The following TPP2 variants were observed in gnomAD, a reference collection of about 807,000 sequenced individuals.
TPP2 encodes tripeptidyl-peptidase 2.
A neutral mutation model predicts 155.9 loss-of-function variants in TPP2; 34 were observed. The observed-to-expected ratio is 0.22, with a 90% confidence interval of 0.17 to 0.29. The LOEUF is 0.29. Among genes scored for constraint, TPP2 ranks in the 10% least tolerant of loss-of-function variants. The probability of loss-of-function intolerance (pLI) is 1.00; values close to 1 mark genes in which losing one functional copy is unlikely to be tolerated. For missense variants in TPP2, 1,028 were observed against 1,522.3 expected, an observed-to-expected ratio of 0.68 and a Z score of 5.40; for synonymous variants, 510 against 529.4, an observed-to-expected ratio of 0.96 and a Z score of 0.50.
rs34845674 is a variant in TPP2 at position 102,609,392 on chromosome 13, C to CTTTTT, written c.294+4489_294+4493dup. Among the ~76,000 whole-genome samples the CTTTTT allele has an allele frequency of 4.0e-3, 322 of 79,806 alleles. 7 individuals are homozygous for CTTTTT. Among genetic ancestry groups the CTTTTT allele is most frequent in the Non-Finnish European group, 5.2e-3 (232 of 44,976 alleles). 52.4% of individuals were successfully genotyped at this position (79,806 alleles called of 152,430 possible). ...AGCCAGCAAAGGGAGAAGTGCCATG[C>CTTTTT]TTTTTTTTTTTTTTTTTTTTTTGAG... On this transcript the variant is annotated intron_variant, in intron 2 of 29. Transcript: ENST00000376052.
intron 25 of TPP2, among the ~76,000 whole-genome samples, chr13:102,659,072 G>GCTAT (rs1884037812): frequency 1.3e-5 from 2 of 152,150 alleles, no homozygotes; most frequent in Non-Finnish European, 2.9e-5. Flanking sequence ...TGTGGCCTAA[G>GCTAT]GAGTTCATAA....
chr13:102,630,302 T>C lies in TPP2; in HGVS notation c.1244+107T>C, dbSNP rs551664988. 1.2e-4 allele frequency: 89 copies of C among 750,626 alleles called. No homozygotes were observed. The African/African-American group carries it at 1.5e-3, about 13-fold the overall frequency. The allele number at this position is 750,626 out of a possible 1,614,324, so 46.5% of individuals were successfully genotyped here. On this transcript the variant is annotated intron_variant, in intron 10 of 29. Coordinates refer to ENST00000376052, the MANE Select transcript of TPP2 (RefSeq NM_001330588.2). ...TTTGCTAGTTTTTTTCTGTTGGTTT[T>C]TACTTTTTTTTCAGTATTTTCATTT...
chr13:102,623,855 G>T lies in TPP2; in HGVS notation c.784+815G>T, dbSNP rs1030518548. Among the ~76,000 whole-genome samples, 3 of 152,166 alleles carry T rather than the reference G, an allele frequency of 2.0e-5. No homozygotes were observed. The South Asian group carries it at 6.2e-4, about 32-fold the overall frequency. On this transcript the variant is annotated intron_variant, in intron 6 of 29. Coordinates refer to ENST00000376052, the MANE Select transcript of TPP2 (RefSeq NM_001330588.2). The stretch of plus-strand genomic sequence containing the variant: ...AGTACCTGATACAAAATGACATAGT[G>T]TTTGTGTATAACCTACACACATGCT...
chr13:102,638,761 T>G (rs606253), intron 15 of TPP2, among the ~76,000 whole-genome samples: 75,390 of 152,044 alleles, frequency 0.5, 19,083 homozygotes, highest in African/African-American at 0.6. Context: ...TAAGAAACTC[T>G]TAACTTCCCA....
chr13:102,663,773 A>G (rs1017279503), intron 26 of TPP2, 29 bp downstream of exon 26: 7 of 1,507,584 alleles, frequency 4.6e-6, no homozygotes, highest in Non-Finnish European at 6.3e-6. Flanking sequence ...GATATATCTT[A>G]TTTTGTTTGT....
At chr13:102,624,960 A>G (rs1254140795) in intron 6 of TPP2, among the ~76,000 whole-genome samples, 3 of 138,658 alleles carry the variant, frequency 2.2e-5, no homozygotes, top group African/African-American at 8.3e-5. Flanking sequence ...CCCAGGTTCA[A>G]GTGATTCTCC....
chr13:102,603,528 T>A (rs1033537242), intron 1 of TPP2, among the ~76,000 whole-genome samples: 1 of 152,170 alleles, frequency 6.6e-6, no homozygotes, highest in East Asian at 1.9e-4. Flanking sequence ...AGAAGGAACC[T>A]GTTTAAAAAG....
chr13:102,616,606 ATTTTCT>A, intron 4 of TPP2, 106 bp downstream of exon 4: 1 of 925,168 alleles, frequency 1.1e-6, no homozygotes, highest in Non-Finnish European at 1.5e-6. Flanking sequence ...TTTTTCACAA[ATTTTCT>A]TTTAAGTTGG....
At position 102,617,128 on chromosome 13, in the gene TPP2, C is replaced by A. The variant is rs567549575; in HGVS notation, c.495+628C>A. ...ACAGGGTTTCACCGTGTTGGCCAGG[C>A]TGGTCTTGAACTCCCAACCTTGTGA... On this transcript the variant is annotated intron_variant, in intron 4 of 29. Transcript: ENST00000376052. Among the ~76,000 whole-genome samples, 4 of 151,778 alleles carry A rather than the reference C, an allele frequency of 2.6e-5. No individual in the cohort carries two copies. In the South Asian group the frequency reaches 8.3e-4, roughly 32 times the overall value.
chr13:102,630,944 G>A (rs1881975830), intron 10 of TPP2, among the ~76,000 whole-genome samples: 1 of 152,326 alleles, frequency 6.6e-6, no homozygotes, highest in South Asian at 2.1e-4. Context: ...TGTGATCTGA[G>A]TTTCAAATGC....
At chr13:102,626,560 C>A (rs1881640625) in intron 6 of TPP2, among the ~76,000 whole-genome samples, 1 of 152,180 alleles carries the variant, frequency 6.6e-6, no homozygotes, top group Admixed American at 6.5e-5. Context: ...GTTCAGCTTT[C>A]ACTCCAGCCA....
At chr13:102,613,960 T>C (rs747816758) in intron 2 of TPP2, 141 bp from the exon 3 acceptor site, 4 of 631,470 alleles carry the variant, frequency 6.3e-6, no homozygotes, top group Middle Eastern at 3.2e-4. Context: ...CTTAGAGTAT[T>C]AAACACGTTG....
intron 19 of TPP2, 52 bp from the exon 20 acceptor site, chr13:102,646,242 C>A: frequency 1.4e-6 from 2 of 1,444,962 alleles, no homozygotes; most frequent in South Asian, 2.5e-5. Context: ...TTTTATTTGT[C>A]TCATTCAATG....
chr13:102,619,852 G>C (rs1881024999), intron 5 of TPP2, among the ~76,000 whole-genome samples: 1 of 152,070 alleles, frequency 6.6e-6, no homozygotes, highest in African/African-American at 2.4e-5. Flanking sequence ...TTTTCCAGAG[G>C]CTTTATACAG....
rs572569038 is a variant in TPP2, at chr13:102,674,527, G to T, written c.3579+37G>T. 257 of 1,607,372 alleles carry T rather than the reference G, an allele frequency of 1.6e-4. 2 individuals carry two copies. In the South Asian group the frequency reaches 2.6e-3, roughly 16 times the overall value. ...GCTTCTTGTTTCAGCAAAGTTCTTG[G>T]GGTTACCTCACAGACCTCTCTTGTG... On this transcript the variant is annotated intron_variant, in intron 28 of 29. Coordinates refer to ENST00000376052, the MANE Select transcript of TPP2 (RefSeq NM_001330588.2).
chr13:102,623,733 T>C (rs1046254542), intron 6 of TPP2, among the ~76,000 whole-genome samples: 3 of 152,176 alleles, frequency 2.0e-5, no homozygotes, highest in Non-Finnish European at 4.4e-5. Flanking sequence ...AACAAAAAAA[T>C]ATATTTTTTA....
intron 27 of TPP2, among the ~76,000 whole-genome samples, chr13:102,670,524 G>A (rs1595221614): frequency 6.6e-6 from 1 of 152,294 alleles, no homozygotes; most frequent in African/African-American, 2.4e-5. Context: ...AATCCTGTTG[G>A]GGAATGCTTA....
chr13:102,625,220 A>C (rs1168457038), intron 6 of TPP2, among the ~76,000 whole-genome samples: 2 of 126,176 alleles, frequency 1.6e-5, no homozygotes, highest in Admixed American at 8.8e-5. Context: ...GCTGGAGTGC[A>C]GTGGCGCGAT....
intron 24 of TPP2, among the ~76,000 whole-genome samples, chr13:102,654,434 G>A (rs1366865991): frequency 1.3e-5 from 2 of 152,042 alleles, no homozygotes; most frequent in Non-Finnish European, 2.9e-5. Flanking sequence ...AGGTTACTAG[G>A]ATATCTTTTT....
Sources: allele counts gnomAD v4.1 joint callset (sites outside exome capture counted in the v4.1 genomes callset), GRCh38; gene constraint gnomAD v4.1.1; transcripts MANE v1.5; gene names NCBI Gene and HGNC (gene_info 2026-07-23, HGNC 2026-07-21).